MYO1D: variants seen among roughly 807,000 people sequenced by gnomAD.
The protein encoded by MYO1D is unconventional myosin-Id.
MYO1D carries 83 observed loss-of-function variants against 122.0 expected under a neutral mutation model. That is an observed-to-expected ratio of 0.68 (90% CI 0.57 to 0.82). MYO1D has a LOEUF of 0.82. Ranked by LOEUF, MYO1D falls within the 40% of genes least tolerant of loss-of-function variation. The pLI, the probability that MYO1D is intolerant of heterozygous loss-of-function variation, is 0.00. For synonymous variants in MYO1D, 464 were observed against 446.9 expected (o/e 1.04, Z -0.48); for missense variants, 1,157 against 1,269.5 (o/e 0.91, Z 1.35).
chr17:32,778,652 A>T, intron 2 of MYO1D, 79 bp from the exon 3 acceptor site: 1 of 1,255,212 alleles, frequency 8.0e-7, no homozygotes, highest in Non-Finnish European at 1.1e-6. Context: ...ATAATTTAAA[A>T]ATCTGATACT....
At chr17:32,579,834 T>C (rs1293946592) in intron 21 of MYO1D, among the ~76,000 whole-genome samples, 1 of 152,254 alleles carries the variant, frequency 6.6e-6, no homozygotes, top group Non-Finnish European at 1.5e-5. Context: ...TTCTTTTTAT[T>C]ACCGAGTAGT....
chr17:32,637,841 C>T (rs967249501), intron 20 of MYO1D, among the ~76,000 whole-genome samples: 5 of 152,230 alleles, frequency 3.3e-5, no homozygotes, highest in Admixed American at 3.3e-4. Flanking sequence ...AAGCATTCAG[C>T]AAAGCCAGGA....
In MYO1D at chr17:32,857,027, C is replaced by A. The variant is rs150206024; in HGVS notation, c.95+19751G>T. Among the ~76,000 whole-genome samples, 75 of 152,306 alleles carry A rather than the reference C, an allele frequency of 4.9e-4. No homozygotes were observed. The East Asian group carries it at 0.014, about 29-fold the overall frequency. On this transcript the variant is annotated intron_variant, in intron 1 of 21. Coordinates refer to ENST00000318217, the MANE Select transcript of MYO1D (RefSeq NM_015194.3). ...GCACTTTGAAGTCCTGTCAGTCTGG[C>A]TTCAAATTCAAACTGCTTCTTAATC...
At position 32,689,844 on chromosome 17, in the gene MYO1D, G is replaced by T. The variant is rs144577999; in HGVS notation, c.2121+22144C>A. ...AGCAATTCTCCTGCCTCAGCCTCCCGAGTAGCTGGGATTACATGTGCCCAC... is the reference window on the plus strand; with the variant it reads ...AGCAATTCTCCTGCCTCAGCCTCCCTAGTAGCTGGGATTACATGTGCCCAC... On this transcript the variant is annotated intron_variant, in intron 16 of 21. Coordinates refer to ENST00000318217, the MANE Select transcript of MYO1D (RefSeq NM_015194.3). Among the ~76,000 whole-genome samples the T allele has an allele frequency of 3.7e-3, 553 of 151,374 alleles. 3 individuals carry two copies. The highest frequency in any genetic ancestry group is 0.013 in the African/African-American group (517 of 41,236).
chr17:32,745,429 T>A, intron 12 of MYO1D, 144 bp from the exon 13 acceptor site: 1 of 589,870 alleles, frequency 1.7e-6, no homozygotes, highest in Non-Finnish European at 3.1e-6. Flanking sequence ...TGTTCTGTAT[T>A]AAAGGATACC....
At chr17:32,533,316 C>T (rs1364820062) in intron 21 of MYO1D, among the ~76,000 whole-genome samples, 9 of 152,230 alleles carry the variant, frequency 5.9e-5, no homozygotes, top group African/African-American at 2.2e-4. Context: ...AGCCAGAAGC[C>T]TGAGGGCCCT....
rs1012067486 is a variant in MYO1D, at chr17:32,788,157, G to A, written c.96-7373C>T. 5.3e-5 allele frequency among the ~76,000 whole-genome samples: 8 copies of A among 152,204 alleles called. No individual in the cohort carries two copies. The East Asian group carries it at 7.7e-4, about 15-fold the overall frequency. ...TCAAATGGTAATTCTCCATCCTGTCGTTGTACTGGTGAGTTTACATTCTCA... is the reference window on the plus strand; with the variant it reads ...TCAAATGGTAATTCTCCATCCTGTCATTGTACTGGTGAGTTTACATTCTCA... On this transcript the variant is annotated intron_variant, in intron 1 of 21. Transcript: ENST00000318217.
intron 21 of MYO1D, among the ~76,000 whole-genome samples, chr17:32,573,806 T>C (rs2087252318): frequency 6.6e-6 from 1 of 152,342 alleles, no homozygotes; most frequent in African/African-American, 2.4e-5. Context: ...ATTACAAGTG[T>C]GAGCCACTGT....
intron 1 of MYO1D, among the ~76,000 whole-genome samples, chr17:32,782,718 T>C (rs1011859917): frequency 5.3e-5 from 8 of 152,160 alleles, no homozygotes; most frequent in Admixed American, 5.2e-4. Flanking sequence ...GGTGGATTAC[T>C]TGAGACCAGG....
At chr17:32,606,288 A>ACACCAATT (rs1221958351) in intron 20 of MYO1D, among the ~76,000 whole-genome samples, 2 of 152,226 alleles carry the variant, frequency 1.3e-5, no homozygotes, top group Non-Finnish European at 2.9e-5. Context: ...AGAAGAAATA[A>ACACCAATT]CACCAATTCA....
At chr17:32,651,699 C>T (rs1378422211) in intron 19 of MYO1D, among the ~76,000 whole-genome samples, 13 of 133,136 alleles carry the variant, frequency 9.8e-5, no homozygotes, top group Non-Finnish European at 1.6e-4. Flanking sequence ...TTTTTTTAGA[C>T]GGAGTCTTGT....
chr17:32,497,757 C>G (rs150829168), intron 21 of MYO1D: 1 of 152,474 alleles, frequency 6.6e-6, no homozygotes, highest in South Asian at 2.1e-4. Flanking sequence ...CTTCCCCACC[C>G]GAGGCCACCA....
At position 32,771,235 on chromosome 17, in the gene MYO1D, A is replaced by C. The variant is rs2090110131; in HGVS notation, c.619-15T>G. ...CCTTGGAGTAGCTGAAAAATATTTA[A>C]TTAGAAATAAATTGGCCAGACATAC... On this transcript the variant is annotated splice_polypyrimidine_tract_variant and intron_variant, in intron 5 of 21. Transcript: ENST00000318217. 1 of 1,566,426 alleles carries C rather than the reference A, an allele frequency of 6.4e-7. No homozygotes were observed. Among genetic ancestry groups the C allele is most frequent in the Non-Finnish European group, 8.8e-7 (1 of 1,139,592 alleles).
chr17:32,636,237 C>T (rs2088097425), intron 20 of MYO1D, among the ~76,000 whole-genome samples: 1 of 152,134 alleles, frequency 6.6e-6, no homozygotes, highest in African/African-American at 2.4e-5. Flanking sequence ...TATACTTGTA[C>T]GTTTCACAAA....
chr17:32,824,253 C>T (rs888858183), intron 1 of MYO1D, among the ~76,000 whole-genome samples: 4 of 152,086 alleles, frequency 2.6e-5, no homozygotes, highest in African/African-American at 9.7e-5. Flanking sequence ...TGGAACAAAA[C>T]AACCCTGAAA....
At chr17:32,626,463 G>A (rs1243785823) in intron 20 of MYO1D, among the ~76,000 whole-genome samples, 4 of 152,158 alleles carry the variant, frequency 2.6e-5, no homozygotes, top group Non-Finnish European at 2.9e-5. Flanking sequence ...CTTTAACAAC[G>A]TTAAATTGGC....
chr17:32,737,928 C>A (rs1390137406), intron 14 of MYO1D, among the ~76,000 whole-genome samples: 1 of 152,142 alleles, frequency 6.6e-6, no homozygotes, highest in Non-Finnish European at 1.5e-5. Flanking sequence ...TTGGCCAGGT[C>A]CTGTTTTCAG....
intron 21 of MYO1D, among the ~76,000 whole-genome samples, chr17:32,522,480 G>A (rs1377613545): frequency 1.3e-5 from 2 of 152,222 alleles, no homozygotes; most frequent in African/African-American, 2.4e-5. Flanking sequence ...TATAGTGGCT[G>A]GAAGGGATGC....
At chr17:32,649,207 T>C (rs1271946348) in intron 19 of MYO1D, among the ~76,000 whole-genome samples, 1 of 152,222 alleles carries the variant, frequency 6.6e-6, no homozygotes, top group Non-Finnish European at 1.5e-5. Flanking sequence ...AACAAAATTT[T>C]CTATTTGGAT....
Sources: allele counts gnomAD v4.1 joint callset (sites outside exome capture counted in the v4.1 genomes callset), GRCh38; gene constraint gnomAD v4.1.1; transcripts MANE v1.5; gene names NCBI Gene and HGNC (gene_info 2026-07-23, HGNC 2026-07-21).